Variants in LAMA2 observed in about 807,000 individuals in gnomAD.
LAMA2 encodes the protein laminin subunit alpha 2.
Under a neutral mutation model 364.8 loss-of-function variants are expected in LAMA2, and 269 were observed. The observed-to-expected ratio is 0.74, with a 90% confidence interval of 0.67 to 0.82. The LOEUF is 0.82. Ranked by LOEUF, LAMA2 falls within the 40% of genes least tolerant of loss-of-function variation. The probability of loss-of-function intolerance (pLI) is 0.00; values close to 1 mark genes in which losing one functional copy is unlikely to be tolerated. For missense variants in LAMA2, 3,807 were observed against 3,873.2 expected, an observed-to-expected ratio of 0.98 and a Z score of 0.45; for synonymous variants, 1,379 against 1,370.6, an observed-to-expected ratio of 1.01 and a Z score of -0.14.
At chr6:129,092,442 C>A (rs944194284) in intron 3 of LAMA2, among the ~76,000 whole-genome samples, 3 of 152,120 alleles carry the variant, frequency 2.0e-5, no homozygotes, top group Admixed American at 2.0e-4. Context: ...TGAAAGCCAC[C>A]GTTCCTATTT....
chr6:129,214,934 T>C (rs1420792229), intron 12 of LAMA2, among the ~76,000 whole-genome samples: 2 of 152,206 alleles, frequency 1.3e-5, no homozygotes, highest in Admixed American at 1.3e-4. Context: ...TATTTAATTT[T>C]TCTTTGATTT....
chr6:129,109,859 T>C (rs1325912525), intron 4 of LAMA2, among the ~76,000 whole-genome samples: 4 of 152,122 alleles, frequency 2.6e-5, no homozygotes, highest in Admixed American at 2.0e-4. Flanking sequence ...TCTATCTGAA[T>C]TGAATTGACA....
intron 3 of LAMA2, among the ~76,000 whole-genome samples, chr6:129,082,174 T>C (rs1774100840): frequency 1.3e-5 from 2 of 152,136 alleles, no homozygotes; most frequent in Non-Finnish European, 2.9e-5. Flanking sequence ...TTTATTACTT[T>C]TTCCAGTACC....
intron 3 of LAMA2, among the ~76,000 whole-genome samples, chr6:129,068,540 TG>T (rs1379968759): frequency 1.3e-5 from 2 of 152,210 alleles, no homozygotes; most frequent in African/African-American, 4.8e-5. Flanking sequence ...ATTCCATTCT[TG>T]GGGGCTCTGT....
intron 4 of LAMA2, among the ~76,000 whole-genome samples, chr6:129,121,719 T>C (rs1002058634): frequency 2.0e-5 from 3 of 152,332 alleles, no homozygotes; most frequent in Non-Finnish European, 4.4e-5. Flanking sequence ...AAATTAATTA[T>C]ATTTATAGCC....
intron 18 of LAMA2, 109 bp from the exon 19 acceptor site, chr6:129,287,738 C>T (rs1789378474): frequency 2.1e-6 from 2 of 967,178 alleles, no homozygotes; most frequent in Non-Finnish European, 3.4e-6. Context: ...AAAAGGAACA[C>T]TTAAAAGGAA....
intron 32 of LAMA2, among the ~76,000 whole-genome samples, chr6:129,353,826 A>G (rs1405604516): frequency 6.6e-6 from 1 of 152,202 alleles, no homozygotes; most frequent in Non-Finnish European, 1.5e-5. Context: ...ATACTGCTTC[A>G]TAATTTTCTC....
At chr6:129,355,407 C>T (rs1431930262) in intron 32 of LAMA2, among the ~76,000 whole-genome samples, 2 of 152,092 alleles carry the variant, frequency 1.3e-5, no homozygotes, top group Non-Finnish European at 2.9e-5. Context: ...TACTTCTACT[C>T]CTAGTTTTGA....
At chr6:129,303,365 A>G (rs1401205761) in intron 22 of LAMA2, among the ~76,000 whole-genome samples, 1 of 152,138 alleles carries the variant, frequency 6.6e-6, no homozygotes, top group Non-Finnish European at 1.5e-5. Flanking sequence ...CTTGTAGATA[A>G]TCATGTCATC....
intron 40 of LAMA2, among the ~76,000 whole-genome samples, chr6:129,426,989 T>A (rs1781354424): frequency 1.3e-5 from 2 of 152,228 alleles, no homozygotes; most frequent in Admixed American, 1.3e-4. Context: ...CCTGTTTGAT[T>A]TATCTCTTGG....
chr6:129,225,991 G>A (rs1349140916), intron 12 of LAMA2, among the ~76,000 whole-genome samples: 2 of 152,110 alleles, frequency 1.3e-5, no homozygotes, highest in Non-Finnish European at 2.9e-5. Context: ...AGGTCTCTAA[G>A]GACTTGCTTT....
intron 40 of LAMA2, among the ~76,000 whole-genome samples, chr6:129,421,716 A>T (rs1781083810): frequency 6.6e-6 from 1 of 152,166 alleles, no homozygotes; most frequent in Non-Finnish European, 1.5e-5. Flanking sequence ...TTGCTGGCAG[A>T]CTGCTTGTAA....
intron 1 of LAMA2, among the ~76,000 whole-genome samples, chr6:128,960,920 T>C (rs1781448845): frequency 1.3e-5 from 2 of 152,098 alleles, no homozygotes; most frequent in Admixed American, 1.3e-4. Flanking sequence ...TTTTGTTTTC[T>C]TTCATGGGAG....
chr6:129,064,481 C>T (rs1333202996), intron 3 of LAMA2, among the ~76,000 whole-genome samples: 1 of 151,082 alleles, frequency 6.6e-6, no homozygotes, highest in Non-Finnish European at 1.5e-5. Flanking sequence ...ACTAGGGAAA[C>T]AATGGAAGAG....
intron 12 of LAMA2, among the ~76,000 whole-genome samples, chr6:129,228,466 C>G (rs974715908): frequency 1.3e-5 from 2 of 151,968 alleles, no homozygotes; most frequent in Non-Finnish European, 1.5e-5. Context: ...TCCAATTATA[C>G]TGGTTTCTAA....
chr6:128,920,391 C>T (rs939903288), intron 1 of LAMA2, among the ~76,000 whole-genome samples: 18 of 151,952 alleles, frequency 1.2e-4, no homozygotes, highest in African/African-American at 3.6e-4. Context: ...CTCTCGACCT[C>T]GCAATTCGCC....
intron 35 of LAMA2, among the ~76,000 whole-genome samples, 195 bp downstream of exon 35, chr6:129,383,428 G>C (rs560946481): frequency 2.2e-4 from 33 of 152,150 alleles, no homozygotes; most frequent in Admixed American, 2.2e-3. Context: ...TTAAATTAGC[G>C]ACAATAGTGA....
intron 34 of LAMA2, among the ~76,000 whole-genome samples, chr6:129,370,511 G>T (rs926219274): frequency 2.6e-5 from 4 of 152,170 alleles, no homozygotes; most frequent in Non-Finnish European, 5.9e-5. Context: ...GCTTTTTAAA[G>T]AATTGGAAAT....
chr6:129,009,792 C>T (rs893090524), intron 1 of LAMA2, among the ~76,000 whole-genome samples: 3 of 152,144 alleles, frequency 2.0e-5, no homozygotes, highest in African/African-American at 7.2e-5. Context: ...CACCAGATGA[C>T]CTTCCCTATA....
Sources: gnomAD v4.1 joint callset for allele counts (sites outside exome capture counted in the v4.1 genomes callset) on GRCh38, gnomAD v4.1.1 for gene constraint, MANE v1.5 for transcripts, NCBI Gene and HGNC (gene_info 2026-07-23, HGNC 2026-07-21) for gene names.